Variants in TANC2 observed in about 807,000 individuals in gnomAD.
TANC2 encodes tetratricopeptide repeat, ankyrin repeat and coiled-coil containing 2.
In TANC2, 26 loss-of-function variants were observed where a neutral mutation model predicts 210.5. The observed-to-expected ratio is 0.12, with a 90% CI of 0.09 to 0.17. The LOEUF (loss-of-function observed/expected upper bound fraction) is 0.17, where lower values mean the gene tolerates loss of function less well. Among genes scored for constraint, TANC2 ranks in the 10% least tolerant of loss-of-function variants. TANC2 has a pLI of 1.00. For synonymous variants in TANC2, 931 were observed against 967.1 expected (o/e 0.96, Z 0.69); for missense variants, 2,129 against 2,608.9 (o/e 0.82, Z 4.01).
At chr17:63,127,976 T>C (rs2038773322) in intron 4 of TANC2, among the ~76,000 whole-genome samples, 2 of 152,222 alleles carry the variant, frequency 1.3e-5, no homozygotes, top group Admixed American at 6.5e-5. Flanking sequence ...TGGGTACTTC[T>C]GTTATTCCTG....
intron 2 of TANC2, among the ~76,000 whole-genome samples, chr17:63,068,756 T>C (rs984533703): frequency 6.6e-6 from 1 of 151,948 alleles, no homozygotes; most frequent in Non-Finnish European, 1.5e-5. Context: ...AAAACATGCA[T>C]GTTTTTATTC....
At chr17:63,340,019 T>G in intron 11 of TANC2, 82 bp from the exon 12 acceptor site, 1 of 990,360 alleles carries the variant, frequency 1.0e-6, no homozygotes, top group South Asian at 1.4e-5. Flanking sequence ...TGATTTCTAG[T>G]ATAATCACTC....
chr17:63,255,903 C>CTTTTTTTT (rs1170508286), intron 8 of TANC2, among the ~76,000 whole-genome samples: 7 of 84,272 alleles, frequency 8.3e-5, no homozygotes, highest in African/African-American at 1.5e-4. Context: ...TTTGACTTTT[C>CTTTTTTTT]TTTTTTTTTT....
intron 9 of TANC2, among the ~76,000 whole-genome samples, chr17:63,270,544 C>G (rs1408809558): frequency 6.6e-6 from 1 of 151,964 alleles, no homozygotes; most frequent in African/African-American, 2.4e-5. Context: ...TGAAACTACC[C>G]CCAAAAAAGT....
intron 2 of TANC2, among the ~76,000 whole-genome samples, chr17:63,063,627 G>T (rs1189063690): frequency 6.7e-6 from 1 of 149,698 alleles, no homozygotes; most frequent in African/African-American, 2.5e-5. Flanking sequence ...GTGTGTGTGT[G>T]TGTGTAGAGA....
chr17:63,083,923 G>A (rs533255862), intron 3 of TANC2, among the ~76,000 whole-genome samples: 14 of 152,126 alleles, frequency 9.2e-5, no homozygotes, highest in South Asian at 4.1e-4. Flanking sequence ...TTGCACGTAC[G>A]TTCATGAGAG....
intron 2 of TANC2, among the ~76,000 whole-genome samples, chr17:63,033,115 G>C (rs1240756662): frequency 6.6e-6 from 1 of 152,138 alleles, no homozygotes; most frequent in Non-Finnish European, 1.5e-5. Flanking sequence ...TGCTCCTGTG[G>C]AATTGGGGTG....
At chr17:63,196,832 C>T (rs1180601984) in intron 6 of TANC2, among the ~76,000 whole-genome samples, 1 of 152,168 alleles carries the variant, frequency 6.6e-6, no homozygotes, top group African/African-American at 2.4e-5. Context: ...TTTGTTTAAG[C>T]TTCTTCACAA....
intron 7 of TANC2, among the ~76,000 whole-genome samples, chr17:63,209,633 C>G (rs1004105807): frequency 2.6e-5 from 4 of 151,808 alleles, no homozygotes; most frequent in Non-Finnish European, 5.9e-5. Context: ...CAGGGTTTCC[C>G]TATGTTGGCC....
intron 4 of TANC2, among the ~76,000 whole-genome samples, chr17:63,145,446 T>C (rs1383790005): frequency 3.3e-5 from 5 of 152,200 alleles, no homozygotes; most frequent in Non-Finnish European, 7.4e-5. Flanking sequence ...TAGTTTTCTC[T>C]TTCCAGATAA....
intron 9 of TANC2, among the ~76,000 whole-genome samples, chr17:63,304,120 G>A (rs770510767): frequency 9.2e-5 from 14 of 151,946 alleles, no homozygotes; most frequent in South Asian, 6.2e-4. Flanking sequence ...CCAGTTCTGC[G>A]CCCTTGCAGG....
At chr17:63,173,808 A>G (rs1389425944) in intron 5 of TANC2, among the ~76,000 whole-genome samples, 1 of 152,190 alleles carries the variant, frequency 6.6e-6, no homozygotes, top group African/African-American at 2.4e-5. Context: ...CATACACAAA[A>G]TAAATTTTTT....
At chr17:63,091,891 G>A (rs571207071) in intron 3 of TANC2, among the ~76,000 whole-genome samples, 1 of 152,094 alleles carries the variant, frequency 6.6e-6, no homozygotes, top group Non-Finnish European at 1.5e-5. Flanking sequence ...ATTTCGTTGA[G>A]CAGTGGTTTG....
intron 1 of TANC2, among the ~76,000 whole-genome samples, chr17:63,000,113 A>T (rs1227500573): frequency 6.6e-6 from 1 of 152,196 alleles, no homozygotes; most frequent in Non-Finnish European, 1.5e-5. Context: ...AGGATCAAAA[A>T]ATTACCTATT....
At chr17:63,055,613 G>A (rs992832696) in intron 2 of TANC2, among the ~76,000 whole-genome samples, 2 of 148,000 alleles carry the variant, frequency 1.4e-5, no homozygotes, top group African/African-American at 2.5e-5. Context: ...TCTATTTCCT[G>A]TACTCTGGGG....
At chr17:63,047,695 T>C (rs1266748040) in intron 2 of TANC2, among the ~76,000 whole-genome samples, 1 of 152,152 alleles carries the variant, frequency 6.6e-6, no homozygotes, top group Non-Finnish European at 1.5e-5. Flanking sequence ...CCTAGTAGAA[T>C]AATGGATTTA....
intron 2 of TANC2, 137 bp downstream of exon 2, chr17:63,009,763 C>T: frequency 4.3e-6 from 3 of 704,678 alleles, no homozygotes; most frequent in Non-Finnish European, 2.4e-6. Context: ...TTTGGGCTTT[C>T]ATACGCTTTA....
intron 9 of TANC2, among the ~76,000 whole-genome samples, chr17:63,275,800 C>G (rs72845236): frequency 0.15 from 22,589 of 152,078 alleles, 2,069 homozygotes; most frequent in Middle Eastern, 0.21. Flanking sequence ...CCCCTCACCC[C>G]CAACCAGCTC....
chr17:63,328,018 T>G (rs1406827111), intron 11 of TANC2, among the ~76,000 whole-genome samples: 1 of 152,174 alleles, frequency 6.6e-6, no homozygotes, highest in Non-Finnish European at 1.5e-5. Flanking sequence ...AGTGAGAACA[T>G]GCGGTGTTTG....
Sources: allele counts gnomAD v4.1 joint callset (sites outside exome capture counted in the v4.1 genomes callset), GRCh38; gene constraint gnomAD v4.1.1; transcripts MANE v1.5; gene names NCBI Gene and HGNC (gene_info 2026-07-23, HGNC 2026-07-21).